LINGO2: variants seen among roughly 807,000 people sequenced by gnomAD.
LINGO2 encodes leucine rich repeat and Ig domain containing 2, also known as leucine-rich repeat and immunoglobulin-like domain-containing nogo receptor-interacting protein 2.
A neutral mutation model predicts 30.6 loss-of-function variants in LINGO2; 14 were observed. The ratio of observed to expected loss-of-function variants is 0.46; its 90% CI spans 0.30 to 0.72. LINGO2 has a LOEUF of 0.72. LINGO2 is among the 30% of genes least tolerant of loss of function. LINGO2 has a pLI of 0.07. For synonymous variants in LINGO2, 317 were observed against 288.5 expected (o/e 1.10, Z -1.00); for missense variants, 729 against 751.7 (o/e 0.97, Z 0.35).
At chr9:28,069,354 G>A (rs1587805656) in intron 4 of LINGO2, among the ~76,000 whole-genome samples, 1 of 152,120 alleles carries the variant, frequency 6.6e-6, no homozygotes. Context: ...ATCACTCCAA[G>A]CATAGACATA....
the LINGO2 span, among the ~76,000 whole-genome samples, chr9:29,128,257 T>A: frequency 6.6e-6 from 1 of 151,986 alleles, no homozygotes; most frequent in Non-Finnish European, 1.5e-5. Flanking sequence ...CCTTAACATC[T>A]CCAAAGGGGA....
Position 28,549,303 on chromosome 9 carries a change from C to A in LINGO2, c.-364-73278G>T, listed in dbSNP as rs111233971. ...TTTCAGTTTGAGTCATGTTAATGAA[C>A]GCAGTTTTAGTTCATTAATTTAAAA... is the stretch of plus-strand genomic sequence containing the variant. On this transcript the variant is annotated intron_variant, in intron 1 of 5. Coordinates refer to ENST00000379992, the Ensembl canonical transcript of LINGO2. 1.2e-3 allele frequency among the ~76,000 whole-genome samples: 180 copies of A among 152,064 alleles called. 1 individual carries two copies. Among genetic ancestry groups the A allele is most frequent in the Non-Finnish European group, 2.2e-3 (151 of 67,974 alleles).
At chr9:28,405,058 G>A (rs1436651000) in intron 2 of LINGO2, among the ~76,000 whole-genome samples, 1 of 152,222 alleles carries the variant, frequency 6.6e-6, no homozygotes, top group Admixed American at 6.5e-5. Flanking sequence ...AAGGAGAAGT[G>A]TGCCTTTCTC....
intron 2 of LINGO2, among the ~76,000 whole-genome samples, chr9:28,387,516 T>G (rs1821637172): frequency 6.6e-6 from 1 of 152,226 alleles, no homozygotes; most frequent in Admixed American, 6.5e-5. Context: ...GAAGCCTTTT[T>G]CTTTTGCTGT....
the LINGO2 span, among the ~76,000 whole-genome samples, chr9:28,899,285 C>A: frequency 3.9e-5 from 6 of 152,190 alleles, no homozygotes; most frequent in East Asian, 1.9e-4. Context: ...AGCCTTGAGA[C>A]CAACATCAGT....
intron 4 of LINGO2, among the ~76,000 whole-genome samples, chr9:28,162,099 T>C (rs1380244391): frequency 6.6e-6 from 1 of 152,086 alleles, no homozygotes; most frequent in African/African-American, 2.4e-5. Flanking sequence ...CCATGATATA[T>C]CCATATATTG....
chr9:28,062,430 T>C (rs1825173083), intron 4 of LINGO2, among the ~76,000 whole-genome samples: 1 of 144,518 alleles, frequency 6.9e-6, no homozygotes, highest in African/African-American at 2.7e-5. Context: ...TGTATATATA[T>C]ACTATATACA....
chr9:28,459,059 A>G (rs1824968360), intron 2 of LINGO2, among the ~76,000 whole-genome samples: 1 of 151,968 alleles, frequency 6.6e-6, no homozygotes, highest in Non-Finnish European at 1.5e-5. Context: ...GCATCAATGA[A>G]TGTATGTATA....
intron 4 of LINGO2, chr9:28,149,194 A>G: frequency 8.0e-7 from 1 of 1,257,780 alleles, no homozygotes; most frequent in Non-Finnish European, 1.1e-6. Context: ...TTAGGAGGAG[A>G]AAGAAGAGAT....
chr9:28,545,880 G>A (rs1821912823), intron 1 of LINGO2, among the ~76,000 whole-genome samples: 1 of 151,854 alleles, frequency 6.6e-6, no homozygotes, highest in Non-Finnish European at 1.5e-5. Flanking sequence ...GTAGAAAGTG[G>A]GTGAGTAAAC....
At chr9:28,317,634 AAC>A (rs1491133653) in intron 3 of LINGO2, among the ~76,000 whole-genome samples, 9 of 148,410 alleles carry the variant, frequency 6.1e-5, no homozygotes, top group African/African-American at 1.9e-4. Context: ...ATTCTGAAAA[AAC>A]AGAGTGTTAA....
intron 2 of LINGO2, among the ~76,000 whole-genome samples, chr9:28,428,828 A>G (rs1343806692): frequency 6.6e-6 from 1 of 152,280 alleles, no homozygotes; most frequent in South Asian, 2.1e-4. Flanking sequence ...TCTCACCTGC[A>G]TAATAATGAA....
At chr9:29,028,429 T>TGG in the LINGO2 span, among the ~76,000 whole-genome samples, 30 of 112,730 alleles carry the variant, frequency 2.7e-4, no homozygotes, top group Middle Eastern at 5.0e-3. Context: ...TGGGGGGGGG[T>TGG]GAGAGAGAGA....
intron 1 of LINGO2, among the ~76,000 whole-genome samples, chr9:28,556,449 G>C (rs1822700123): frequency 6.6e-6 from 1 of 151,956 alleles, no homozygotes; most frequent in Non-Finnish European, 1.5e-5. Context: ...GGGATGTGAA[G>C]GACCTCTTCA....
At chr9:28,385,219 G>C (rs1431319048) in intron 2 of LINGO2, among the ~76,000 whole-genome samples, 2 of 152,100 alleles carry the variant, frequency 1.3e-5, no homozygotes, top group Non-Finnish European at 2.9e-5. Context: ...TAAAGATTCA[G>C]TGTTTATAAT....
the LINGO2 span, among the ~76,000 whole-genome samples, chr9:28,999,452 T>C: frequency 3.3e-5 from 5 of 152,094 alleles, no homozygotes; most frequent in African/African-American, 1.2e-4. Flanking sequence ...TTTCTGTATA[T>C]ATCTTTTTTT....
At chr9:28,283,788 GTTA>G (rs1236997952) in intron 4 of LINGO2, among the ~76,000 whole-genome samples, 7 of 151,966 alleles carry the variant, frequency 4.6e-5, no homozygotes, top group African/African-American at 7.2e-5. Flanking sequence ...ATTTAGGGTA[GTTA>G]TTATTATTAT....
chr9:28,068,680 G>A (rs983848390), intron 4 of LINGO2, among the ~76,000 whole-genome samples: 2 of 152,000 alleles, frequency 1.3e-5, no homozygotes, highest in African/African-American at 4.8e-5. Context: ...AAACAATCCT[G>A]TAAGATAAGT....
intron 4 of LINGO2, among the ~76,000 whole-genome samples, chr9:28,179,264 T>A (rs373107891): frequency 6.8e-6 from 1 of 146,558 alleles, no homozygotes; most frequent in African/African-American, 2.5e-5. Context: ...ATATAGATAC[T>A]ATATATAAAA....
Sources: allele counts gnomAD v4.1 joint callset (sites outside exome capture counted in the v4.1 genomes callset), GRCh38; gene constraint gnomAD v4.1.1; transcripts MANE v1.5; gene names NCBI Gene and HGNC (gene_info 2026-07-23, HGNC 2026-07-21).